The following POLN variants were observed in gnomAD, a reference collection of about 807,000 sequenced individuals.
The protein encoded by POLN is DNA polymerase N.
Under a neutral mutation model 113.5 loss-of-function variants are expected in POLN, and 108 were observed. The ratio of observed to expected loss-of-function variants is 0.95; its 90% CI spans 0.81 to 1.12. The LOEUF (loss-of-function observed/expected upper bound fraction) is 1.12. Among genes scored for constraint, POLN ranks in the 50% most tolerant of loss-of-function variants. The probability of loss-of-function intolerance (pLI) is 0.00; values close to 1 mark genes in which losing one functional copy is unlikely to be tolerated. For missense variants in POLN, 1,097 were observed against 1,077.1 expected (o/e 1.02, Z -0.26); for synonymous variants, 386 against 391.5 (o/e 0.99, Z 0.17).
Position 2,121,612 on chromosome 4 carries a change from G to T in POLN, c.1982+6501C>A, listed in dbSNP as rs533123013. Among the ~76,000 whole-genome samples, 140 of 152,006 alleles carry T rather than the reference G, an allele frequency of 9.2e-4. 1 individual carries two copies. The highest frequency in any genetic ancestry group is 3.3e-3 in the African/African-American group (136 of 41,486). ...AGTTTGTGGTTTTCAAGAAATTGGT[G>T]CATTTCTTCTAAATTGTTGAATTGT... On this transcript the variant is annotated intron_variant, in intron 19 of 25. Coordinates refer to ENST00000511885, the MANE Select transcript of POLN (RefSeq NM_181808.4).
At chr4:2,102,577 G>C (rs1313667664) in intron 19 of POLN, among the ~76,000 whole-genome samples, 1 of 152,140 alleles carries the variant, frequency 6.6e-6, no homozygotes, top group East Asian at 1.9e-4. Context: ...AGTACAAATG[G>C]CATCTGAGAA....
chr4:2,223,275 C>A (rs1026379936), intron 3 of POLN, among the ~76,000 whole-genome samples: 1 of 152,112 alleles, frequency 6.6e-6, no homozygotes, highest in African/African-American at 2.4e-5. Context: ...AGGACCAGTA[C>A]CTGTCTGTAG....
At position 2,127,230 on chromosome 4, in the gene POLN, G is replaced by C. The variant is rs1338756864; in HGVS notation, c.1982+883C>G. Among the ~76,000 whole-genome samples the C allele has an allele frequency of 6.6e-6, 1 of 151,806 alleles. No homozygotes were observed. Among genetic ancestry groups the C allele is most frequent in the Non-Finnish European group, 1.5e-5 (1 of 67,922 alleles). ...GAGGTGGCACCTGCAGCTGATGAGGGAGGGGACAGTGACTCAGACACACGG... is the reference window on the plus strand; with the variant it reads ...GAGGTGGCACCTGCAGCTGATGAGGCAGGGGACAGTGACTCAGACACACGG... On this transcript the variant is annotated intron_variant, in intron 19 of 25. Coordinates refer to ENST00000511885, the MANE Select transcript of POLN (RefSeq NM_181808.4). The surrounding 1 kb of genome is among the most constrained non-coding windows in gnomAD (Gnocchi z 4.7).
chr4:2,129,056 C>CAAAAAAAAAA (rs542873881), intron 18 of POLN, 123 bp downstream of exon 18: 1 of 267,506 alleles, frequency 3.7e-6, no homozygotes. Context: ...ACTCTTGTCT[C>CAAAAAAAAAA]AAAAAAAAAA....
chr4:2,156,669 T>C (rs1732441471), intron 16 of POLN, 119 bp downstream of exon 16: 2 of 768,298 alleles, frequency 2.6e-6, no homozygotes, highest in Non-Finnish European at 4.6e-6. Context: ...ACACAACATA[T>C]CAGTATGAAG....
At chr4:2,208,522 G>A in intron 4 of POLN, 35 bp from the exon 5 acceptor site, 1 of 1,440,214 alleles carries the variant, frequency 6.9e-7, no homozygotes, top group Non-Finnish European at 9.3e-7. Context: ...ATTAGAATAT[G>A]GACTCATAAG....
At chr4:2,098,294 CTG>C (rs1413564962) in intron 19 of POLN, among the ~76,000 whole-genome samples, 2 of 152,052 alleles carry the variant, frequency 1.3e-5, no homozygotes, top group Non-Finnish European at 2.9e-5. Flanking sequence ...TGATATGCCC[CTG>C]TGGTCCCAGC....
intron 2 of POLN, among the ~76,000 whole-genome samples, chr4:2,239,215 A>G (rs1342532608): frequency 1.3e-5 from 2 of 152,206 alleles, no homozygotes; most frequent in Non-Finnish European, 2.9e-5. Context: ...ATGTGGACTA[A>G]GTCAAGGGTA....
chr4:2,082,408 C>T (rs570977404), intron 21 of POLN, among the ~76,000 whole-genome samples: 1 of 152,170 alleles, frequency 6.6e-6, no homozygotes, highest in African/African-American at 2.4e-5. Flanking sequence ...AGTGGTCAGC[C>T]CACATCCTCA....
intron 23 of POLN, chr4:2,080,300 T>G: frequency 3.0e-6 from 3 of 996,362 alleles, no homozygotes; most frequent in Non-Finnish European, 3.6e-6. Context: ...GAATGTGCCC[T>G]GGGGGAATAA....
intron 8 of POLN, among the ~76,000 whole-genome samples, chr4:2,176,796 C>T (rs1397947180): frequency 6.6e-6 from 1 of 152,128 alleles, no homozygotes; most frequent in Non-Finnish European, 1.5e-5. Flanking sequence ...CACACAGAGG[C>T]CCTGGGAGAT....
At chr4:2,172,831 G>A (rs1732897370) in intron 11 of POLN, among the ~76,000 whole-genome samples, 1 of 152,172 alleles carries the variant, frequency 6.6e-6, no homozygotes, top group African/African-American at 2.4e-5. Context: ...AGAAACCTGT[G>A]CCCACAGGCA....
intron 11 of POLN, among the ~76,000 whole-genome samples, chr4:2,172,836 C>T (rs1346190193): frequency 2.6e-5 from 4 of 152,274 alleles, no homozygotes; most frequent in Admixed American, 1.3e-4. Context: ...CCTGTGCCCA[C>T]AGGCACAGGG....
At chr4:2,207,870 A>C in intron 5 of POLN, 117 bp downstream of exon 5, 1 of 1,156,224 alleles carries the variant, frequency 8.6e-7, no homozygotes, top group Middle Eastern at 2.8e-4. Flanking sequence ...TTACCACTGG[A>C]GGGGAAGGAA....
At chr4:2,107,507 TAGAG>T (rs922397777) in intron 19 of POLN, among the ~76,000 whole-genome samples, 2 of 151,984 alleles carry the variant, frequency 1.3e-5, no homozygotes, top group African/African-American at 2.4e-5. Context: ...GACTGAATCT[TAGAG>T]AGATAACGGG....
At chr4:2,225,782 T>G (rs774757279) in intron 3 of POLN, among the ~76,000 whole-genome samples, 2 of 151,892 alleles carry the variant, frequency 1.3e-5, no homozygotes, top group Non-Finnish European at 2.9e-5. Context: ...AGGAGAATCG[T>G]GTGAGCCCAG....
chr4:2,151,569 T>C (rs912498056), intron 16 of POLN, among the ~76,000 whole-genome samples: 1 of 152,132 alleles, frequency 6.6e-6, no homozygotes. Context: ...ATGACCCAAA[T>C]ATTGATCAAC....
intron 21 of POLN, among the ~76,000 whole-genome samples, chr4:2,085,015 G>A (rs1730515307): frequency 6.6e-6 from 1 of 152,098 alleles, no homozygotes; most frequent in African/African-American, 2.4e-5. Flanking sequence ...ACTTCTAAGT[G>A]AGGCGTCAGC....
chr4:2,240,311 T>C, intron 2 of POLN: 1 of 1,607,602 alleles, frequency 6.2e-7, no homozygotes, highest in South Asian at 1.1e-5. Flanking sequence ...AAGTTAATGC[T>C]GCTGTGCTTT....
Sources: allele counts gnomAD v4.1 joint callset (sites outside exome capture counted in the v4.1 genomes callset), GRCh38; gene constraint gnomAD v4.1.1; non-coding constraint Gnocchi (gnomAD v3.1); transcripts MANE v1.5; gene names NCBI Gene and HGNC (gene_info 2026-07-23, HGNC 2026-07-21).